The following OXR1 variants were observed in gnomAD, a reference collection of about 807,000 sequenced individuals.
OXR1 encodes the protein oxidation resistance protein 1.
OXR1 carries 41 observed loss-of-function variants against 104.6 expected under a neutral mutation model. The observed-to-expected ratio is 0.39, with a 90% CI of 0.31 to 0.51. OXR1 has a LOEUF of 0.51. Ranked by LOEUF, OXR1 falls within the 20% of genes least tolerant of loss-of-function variation. The pLI, the probability that OXR1 is intolerant of heterozygous loss-of-function variation, is 0.77. For missense variants in OXR1, 955 were observed against 1,031.9 expected, an observed-to-expected ratio of 0.93 and a Z score of 1.02; for synonymous variants, 348 against 348.4, an observed-to-expected ratio of 1.00 and a Z score of 0.01.
intron 3 of OXR1, among the ~76,000 whole-genome samples, chr8:106,561,234 T>G (rs955580898): frequency 5.3e-5 from 8 of 152,114 alleles, no homozygotes; most frequent in Non-Finnish European, 8.8e-5. Flanking sequence ...GGCTTGAAAT[T>G]CTTGCTGCCA....
At chr8:106,749,850 C>G (rs28924699) in intron 16 of OXR1, among the ~76,000 whole-genome samples, 2,235 of 151,960 alleles carry the variant, frequency 0.015, 32 homozygotes, top group Admixed American at 0.047. Context: ...GGTGTTTTCC[C>G]CTCTCGGTTA....
chr8:106,598,039 A>C (rs1819660811), intron 3 of OXR1, among the ~76,000 whole-genome samples: 1 of 152,152 alleles, frequency 6.6e-6, no homozygotes. Flanking sequence ...CTCATACAAA[A>C]TCATCTGAGT....
At chr8:106,280,716 G>A (rs141827146) in intron 1 of OXR1, among the ~76,000 whole-genome samples, 2 of 152,016 alleles carry the variant, frequency 1.3e-5, no homozygotes, top group Non-Finnish European at 2.9e-5. Flanking sequence ...ACTTAAAAAC[G>A]GTTCACATGG....
intron 2 of OXR1, among the ~76,000 whole-genome samples, chr8:106,475,322 T>C (rs1821741331): frequency 6.6e-6 from 1 of 151,898 alleles, no homozygotes; most frequent in Non-Finnish European, 1.5e-5. Context: ...TTTACGAATA[T>C]CTAAAAAAGA....
At position 106,706,903 on chromosome 8, in the gene OXR1, A is replaced by G. The variant is rs764576650; in HGVS notation, c.1382A>G (p.Glu461Gly). Residue 461 changes from glutamate to glycine, a missense_variant, in exon 9 of 17, where the codon GAA becomes GGA. This residue lies in a region of OXR1 where 849 missense variants were observed against 852.9 expected (regional missense o/e 1.00). Transcript: ENST00000517566. ...SFLHENSLHQ[E>G]ESQKENMPCG... ...CTTCATGAGAATTCGTTACACCAAG[A>G]AGAGAGTCAAAAAGAAAATATGCCT... is the stretch of plus-strand genomic sequence containing the variant. The G allele has an allele frequency of 3.4e-5, 55 of 1,612,460 alleles. No individual in the cohort carries two copies. The highest frequency in any genetic ancestry group is 4.4e-5 in the Non-Finnish European group (52 of 1,179,776).
At chr8:106,374,181 A>G (rs1816819258) in intron 2 of OXR1, among the ~76,000 whole-genome samples, 1 of 152,186 alleles carries the variant, frequency 6.6e-6, no homozygotes, top group Non-Finnish European at 1.5e-5. Flanking sequence ...CACATAGATC[A>G]CTGCCTATAT....
At chr8:106,626,044 TTGTGTGTGTG>T (rs59554916) in intron 3 of OXR1, among the ~76,000 whole-genome samples, 1 of 148,334 alleles carries the variant, frequency 6.7e-6, no homozygotes, top group African/African-American at 2.5e-5. Context: ...GTTCTGCGTT[TTGTGTGTGTG>T]TGTGTGTGTG....
At chr8:106,396,947 A>T (rs2130461086) in intron 2 of OXR1, among the ~76,000 whole-genome samples, 1 of 152,262 alleles carries the variant, frequency 6.6e-6, no homozygotes, top group South Asian at 2.1e-4. Context: ...ATGTATAATG[A>T]CTTGGAACAA....
intron 3 of OXR1, among the ~76,000 whole-genome samples, chr8:106,526,573 C>T (rs879447928): frequency 1.3e-4 from 20 of 152,320 alleles, no homozygotes; most frequent in South Asian, 4.1e-4. Context: ...GACGGAGTCT[C>T]GCTCTGTCGC....
intron 1 of OXR1, among the ~76,000 whole-genome samples, chr8:106,340,611 G>T (rs1039647910): frequency 6.6e-6 from 1 of 151,998 alleles, no homozygotes; most frequent in Non-Finnish European, 1.5e-5. Context: ...TTATTTAGTT[G>T]TTATTGTCTT....
intron 11 of OXR1, among the ~76,000 whole-genome samples, chr8:106,714,216 A>C (rs1350396238): frequency 6.6e-6 from 1 of 152,032 alleles, no homozygotes; most frequent in Non-Finnish European, 1.5e-5. Flanking sequence ...CTAGCAATAA[A>C]ATGACTTTTA....
intron 2 of OXR1, among the ~76,000 whole-genome samples, chr8:106,398,437 T>C (rs1295410073): frequency 2.0e-5 from 3 of 152,158 alleles, no homozygotes; most frequent in Admixed American, 1.3e-4. Context: ...GCAAGCCCCA[T>C]GCACTCAAGG....
At chr8:106,360,414 T>C (rs149497607) in intron 2 of OXR1, among the ~76,000 whole-genome samples, 2 of 152,316 alleles carry the variant, frequency 1.3e-5, no homozygotes, top group African/African-American at 2.4e-5. Context: ...TTATCCTTGC[T>C]CTTCAATTTG....
At chr8:106,380,649 G>A (rs948110510) in intron 2 of OXR1, among the ~76,000 whole-genome samples, 2 of 152,022 alleles carry the variant, frequency 1.3e-5, no homozygotes, top group Admixed American at 6.6e-5. Flanking sequence ...TCTGCTTTGG[G>A]TTACAGTCAT....
At chr8:106,601,092 A>C (rs1157032772) in intron 3 of OXR1, among the ~76,000 whole-genome samples, 1 of 152,194 alleles carries the variant, frequency 6.6e-6, no homozygotes, top group Non-Finnish European at 1.5e-5. Context: ...AATAGTGAGA[A>C]GCCACTGAAG....
chr8:106,419,300 C>T (rs992658240), intron 2 of OXR1, among the ~76,000 whole-genome samples: 1 of 152,080 alleles, frequency 6.6e-6, no homozygotes, highest in Non-Finnish European at 1.5e-5. Flanking sequence ...GAGGCAGGTG[C>T]GTTGCAGGCT....
chr8:106,700,657 A>G (rs1030191172), intron 7 of OXR1, among the ~76,000 whole-genome samples: 1 of 152,194 alleles, frequency 6.6e-6, no homozygotes, highest in Non-Finnish European at 1.5e-5. Flanking sequence ...TACTAGGATT[A>G]AGGTATTAAG....
intron 2 of OXR1, among the ~76,000 whole-genome samples, chr8:106,388,705 A>G (rs1817477334): frequency 1.3e-5 from 2 of 152,230 alleles, no homozygotes; most frequent in Admixed American, 1.3e-4. Context: ...TACAGGCGTG[A>G]GCCACCTTGC....
intron 2 of OXR1, among the ~76,000 whole-genome samples, chr8:106,442,479 C>T (rs141471882): frequency 0.014 from 2,068 of 152,148 alleles, 43 homozygotes; most frequent in African/African-American, 0.045. Context: ...GGAATAGTTT[C>T]AGAAGGAATG....
Sources: allele counts gnomAD v4.1 joint callset (sites outside exome capture counted in the v4.1 genomes callset), GRCh38; gene constraint gnomAD v4.1.1; regional missense constraint gnomAD v4.1.1; transcripts MANE v1.5; gene names NCBI Gene and HGNC (gene_info 2026-07-23, HGNC 2026-07-21).